The following CERT1 variants were observed in gnomAD, a reference collection of about 807,000 sequenced individuals.
CERT1 encodes ceramide transfer protein.
CERT1 carries 31 observed loss-of-function variants against 87.9 expected under a neutral mutation model. The observed-to-expected ratio is 0.35, with a 90% CI of 0.27 to 0.48. The LOEUF (loss-of-function observed/expected upper bound fraction) is 0.48, where lower values mean the gene tolerates loss of function less well. CERT1 is among the 20% of genes least tolerant of loss of function. CERT1 has a pLI of 0.99. For missense variants in CERT1, 487 were observed against 758.0 expected, an observed-to-expected ratio of 0.64 and a Z score of 4.20; for synonymous variants, 289 against 250.9, an observed-to-expected ratio of 1.15 and a Z score of -1.44.
intron 2 of CERT1, among the ~76,000 whole-genome samples, chr5:75,478,245 C>T (rs563600517): frequency 4.0e-5 from 6 of 151,570 alleles, no homozygotes; most frequent in South Asian, 2.1e-4. Flanking sequence ...ACCCTTAGGG[C>T]GGAGGGTGCA....
chr5:75,432,659 T>G (rs1257938871), intron 3 of CERT1, among the ~76,000 whole-genome samples: 3 of 152,254 alleles, frequency 2.0e-5, no homozygotes, highest in Non-Finnish European at 4.4e-5. Flanking sequence ...TGTTGTCTGT[T>G]TACTCTGTTG....
intron 2 of CERT1, among the ~76,000 whole-genome samples, chr5:75,500,993 T>C (rs1341187773): frequency 1.3e-5 from 2 of 151,244 alleles, no homozygotes; most frequent in East Asian, 3.9e-4. Flanking sequence ...CTGTTTTTTT[T>C]GTTTTTTTTT....
At chr5:75,498,095 T>C (rs533652158) in intron 2 of CERT1, among the ~76,000 whole-genome samples, 13 of 152,268 alleles carry the variant, frequency 8.5e-5, no homozygotes, top group African/African-American at 2.6e-4. Flanking sequence ...ACTGGCGGCA[T>C]TTTGCCCCTG....
chr5:75,410,930 T>C, intron 8 of CERT1, 81 bp downstream of exon 8: 1 of 702,698 alleles, frequency 1.4e-6, no homozygotes, highest in Non-Finnish European at 2.4e-6. Context: ...TATTTAAAGG[T>C]TACAAGAGTA....
chr5:75,481,880 G>A (rs1766264900), intron 2 of CERT1, among the ~76,000 whole-genome samples: 1 of 152,006 alleles, frequency 6.6e-6, no homozygotes, highest in Non-Finnish European at 1.5e-5. Context: ...TAATTTTGTG[G>A]TTATATATGA....
At chr5:75,411,617 C>T (rs1474846654) in intron 7 of CERT1, among the ~76,000 whole-genome samples, 1 of 151,966 alleles carries the variant, frequency 6.6e-6, no homozygotes, top group Non-Finnish European at 1.5e-5. Context: ...CGGCCACAAC[C>T]TACGATTTAA....
At chr5:75,374,592 A>G, downstream of CERT1, 2 of 699,456 alleles carry the variant, frequency 2.9e-6, no homozygotes, top group South Asian at 1.4e-5. Context: ...CATTTGAAAC[A>G]CAGTGAAGGT....
intron 2 of CERT1, among the ~76,000 whole-genome samples, chr5:75,471,754 CAAAA>C (rs796209502): frequency 1.8e-4 from 9 of 50,790 alleles, no homozygotes; most frequent in African/African-American, 4.0e-4. Context: ...GACTTCATCT[CAAAA>C]AAAAAAAAAA....
At chr5:75,370,955 A>C (rs78914271) in intron 17 of CERT1, 2 of 93,670 alleles carry the variant, frequency 2.1e-5, no homozygotes, top group Non-Finnish European at 4.0e-5. Flanking sequence ...CTGTCTCCAA[A>C]AAAAAAAAAA....
At chr5:75,438,916 C>T (rs1464997097) in intron 3 of CERT1, among the ~76,000 whole-genome samples, 3 of 149,644 alleles carry the variant, frequency 2.0e-5, no homozygotes, top group Admixed American at 6.7e-5. Flanking sequence ...TATATTAGGA[C>T]ATATCTTTTT....
At chr5:75,374,519 G>C (rs564850636), downstream of CERT1, 6 of 720,372 alleles carry the variant, frequency 8.3e-6, no homozygotes, top group East Asian at 1.6e-4. Context: ...GCCACGTGCA[G>C]CCTGTTTGCT....
chr5:75,424,218 C>T (rs1763503509), intron 5 of CERT1, among the ~76,000 whole-genome samples: 1 of 152,092 alleles, frequency 6.6e-6, no homozygotes, highest in African/African-American at 2.4e-5. Context: ...AATGTACATA[C>T]AATTATTACT....
chr5:75,459,309 C>CT, intron 2 of CERT1, 128 bp from the exon 3 acceptor site: 1 of 601,808 alleles, frequency 1.7e-6, no homozygotes. Flanking sequence ...TATTTTTCTG[C>CT]TCAAATAACT....
intron 17 of CERT1, chr5:75,369,811 AGAAT>A (rs1369229120): frequency 1.3e-5 from 2 of 152,242 alleles, no homozygotes; most frequent in African/African-American, 2.4e-5. Flanking sequence ...ATAGGAAGAG[AGAAT>A]GAAGAGGCCA....
At chr5:75,416,751 T>C in intron 7 of CERT1, 125 bp downstream of exon 7, 1 of 728,676 alleles carries the variant, frequency 1.4e-6, no homozygotes. Context: ...TTCAGAGTAG[T>C]AGTATCATCT....
chr5:75,441,817 T>A (rs1485450544), intron 3 of CERT1, among the ~76,000 whole-genome samples: 1 of 152,240 alleles, frequency 6.6e-6, no homozygotes, highest in African/African-American at 2.4e-5. Flanking sequence ...TCCATCTATG[T>A]ACACATAGGT....
At chr5:75,463,074 AG>A (rs1437048477) in intron 2 of CERT1, among the ~76,000 whole-genome samples, 1 of 151,830 alleles carries the variant, frequency 6.6e-6, no homozygotes, top group Non-Finnish European at 1.5e-5. Context: ...AATAATGTAG[AG>A]TATCAAAGGA....
chr5:75,431,149 A>C (rs1403703011), intron 3 of CERT1, among the ~76,000 whole-genome samples: 2 of 152,162 alleles, frequency 1.3e-5, no homozygotes, highest in East Asian at 3.9e-4. Context: ...GTATAAAATA[A>C]TTTCATCACC....
chr5:75,448,866 C>CT (rs1313137978), intron 3 of CERT1, among the ~76,000 whole-genome samples: 4 of 151,976 alleles, frequency 2.6e-5, no homozygotes, highest in Admixed American at 1.3e-4. Context: ...CTAGATTAAC[C>CT]TTTTTTTATA....
Sources: gnomAD v4.1 joint callset for allele counts (sites outside exome capture counted in the v4.1 genomes callset) on GRCh38, gnomAD v4.1.1 for gene constraint, MANE v1.5 for transcripts, NCBI Gene and HGNC (gene_info 2026-07-23, HGNC 2026-07-21) for gene names.